Variants in PDE1A observed in about 807,000 individuals in gnomAD.
The protein encoded by PDE1A is phosphodiesterase 1A.
Under a neutral mutation model 61.7 loss-of-function variants are expected in PDE1A, and 35 were observed. The ratio of observed to expected loss-of-function variants is 0.57; its 90% CI spans 0.43 to 0.75. The LOEUF is 0.75. Among genes scored for constraint, PDE1A ranks in the 30% least tolerant of loss-of-function variants. The probability of loss-of-function intolerance (pLI) is 0.00; values close to 1 mark genes in which losing one functional copy is unlikely to be tolerated. For synonymous variants in PDE1A, 232 were observed against 213.2 expected, an observed-to-expected ratio of 1.09 and a Z score of -0.77; for missense variants, 597 against 630.6, an observed-to-expected ratio of 0.95 and a Z score of 0.57.
intron 4 of PDE1A, among the ~76,000 whole-genome samples, chr2:182,233,132 A>C (rs1192770636): frequency 2.0e-5 from 3 of 152,246 alleles, no homozygotes; most frequent in Non-Finnish European, 4.4e-5. Context: ...TCTTAAAATA[A>C]ATAAAATAAA....
At chr2:182,564,946 A>G in the PDE1A span, among the ~76,000 whole-genome samples, 1 of 151,740 alleles carries the variant, frequency 6.6e-6, no homozygotes, top group South Asian at 2.1e-4. Context: ...TTCTAGTTAT[A>G]CATTCGTCTA....
At chr2:182,605,612 T>C in the PDE1A span, among the ~76,000 whole-genome samples, 1 of 152,220 alleles carries the variant, frequency 6.6e-6, no homozygotes, top group African/African-American at 2.4e-5. Context: ...TTGTTTCCAC[T>C]ATCCTGATGG....
chr2:182,183,334 T>TA (rs1359820611), intron 13 of PDE1A, among the ~76,000 whole-genome samples: 1 of 152,172 alleles, frequency 6.6e-6, no homozygotes, highest in Non-Finnish European at 1.5e-5. Context: ...CATTTATTCT[T>TA]AAAAAATTGT....
the PDE1A span, among the ~76,000 whole-genome samples, chr2:182,656,601 A>G: frequency 2.0e-5 from 3 of 152,216 alleles, no homozygotes; most frequent in Non-Finnish European, 4.4e-5. Flanking sequence ...CGAATCTTTA[A>G]AATGTCCTTT....
chr2:182,422,928 T>C (rs2125590344), intron 1 of PDE1A, among the ~76,000 whole-genome samples: 1 of 152,330 alleles, frequency 6.6e-6, no homozygotes, highest in South Asian at 2.1e-4. Flanking sequence ...TTTGTGATTG[T>C]GTTTTCTTTC....
chr2:182,443,999 G>A (rs1219089275), intron 2 of PDE1A, among the ~76,000 whole-genome samples: 10 of 151,920 alleles, frequency 6.6e-5, no homozygotes, highest in Admixed American at 3.3e-4. Context: ...CACCGCGCCC[G>A]GCCAAACTTC....
the PDE1A span, among the ~76,000 whole-genome samples, chr2:182,641,028 A>AAAAAAAAAAAAAG: frequency 1.5e-4 from 23 of 149,728 alleles, no homozygotes; most frequent in African/African-American, 3.7e-4. Context: ...TCAAAAAAAA[A>AAAAAAAAAAAAAG]AAGAAGAAGA....
chr2:182,407,457 C>G (rs1222827158), intron 1 of PDE1A, among the ~76,000 whole-genome samples: 2 of 152,086 alleles, frequency 1.3e-5, no homozygotes, highest in African/African-American at 4.8e-5. Flanking sequence ...TCTCAGCTCA[C>G]TGCAACCTCT....
chr2:182,702,870 T>G, the PDE1A span, among the ~76,000 whole-genome samples: 1 of 152,212 alleles, frequency 6.6e-6, no homozygotes, highest in Non-Finnish European at 1.5e-5. Context: ...AATGAATAAA[T>G]AGGTGACAGT....
At chr2:182,329,336 CAT>C (rs1449096914) in intron 1 of PDE1A, among the ~76,000 whole-genome samples, 1 of 152,076 alleles carries the variant, frequency 6.6e-6, no homozygotes, top group Non-Finnish European at 1.5e-5. Context: ...TCCATATATT[CAT>C]AAAGTTGAAT....
intron 2 of PDE1A, among the ~76,000 whole-genome samples, chr2:182,513,005 C>A (rs1194720451): frequency 6.6e-6 from 1 of 152,042 alleles, no homozygotes. Context: ...GGAGAGAGAG[C>A]AAGCAACTTG....
intron 1 of PDE1A, among the ~76,000 whole-genome samples, chr2:182,273,121 T>A (rs1393092123): frequency 6.6e-6 from 1 of 152,108 alleles, no homozygotes; most frequent in Non-Finnish European, 1.5e-5. Context: ...AAGGAAGGAC[T>A]AAAAGAGCTA....
chr2:182,669,282 G>A, the PDE1A span, among the ~76,000 whole-genome samples: 5 of 152,120 alleles, frequency 3.3e-5, no homozygotes, highest in Non-Finnish European at 7.4e-5. Flanking sequence ...TGTTTGTTAG[G>A]TGTGACTTTT....
At chr2:182,395,262 T>A (rs186640964) in intron 1 of PDE1A, among the ~76,000 whole-genome samples, 2 of 152,294 alleles carry the variant, frequency 1.3e-5, no homozygotes, top group African/African-American at 2.4e-5. Context: ...CTCTCCGGCT[T>A]TGTGTCATAA....
At chr2:182,414,641 G>A (rs1273800856) in intron 1 of PDE1A, among the ~76,000 whole-genome samples, 5 of 152,188 alleles carry the variant, frequency 3.3e-5, no homozygotes, top group East Asian at 1.9e-4. Context: ...GTGGGAAGGG[G>A]CAGCATCAAA....
chr2:182,553,258 G>A, the PDE1A span, among the ~76,000 whole-genome samples: 2 of 152,218 alleles, frequency 1.3e-5, no homozygotes, highest in Non-Finnish European at 1.5e-5. Flanking sequence ...CATCTTGGAA[G>A]TGGCTCGCCA....
rs184409303 is a variant in PDE1A at position 182,152,800 on chromosome 2, G to A, written c.1517-5648C>T. On this transcript the variant is annotated intron_variant, in intron 13 of 13. Coordinates refer to the PDE1A transcript ENST00000409365. ...CGTTTACTTTGCAGTATGCGTGAAGGCAACAGTAAGAGAAGACAGGACTGC... is the reference window on the plus strand; with the variant it reads ...CGTTTACTTTGCAGTATGCGTGAAGACAACAGTAAGAGAAGACAGGACTGC... Among the ~76,000 whole-genome samples, 39 of 152,202 alleles carry A rather than the reference G, an allele frequency of 2.6e-4. No individual in the cohort carries two copies. The East Asian group carries it at 6.4e-3, about 25-fold the overall frequency.
At chr2:182,517,427 G>T (rs1420599896) in intron 2 of PDE1A, among the ~76,000 whole-genome samples, 1 of 152,092 alleles carries the variant, frequency 6.6e-6, no homozygotes, top group African/African-American at 2.4e-5. Context: ...TAATTTTCTA[G>T]TTACAGCCAG....
chr2:182,233,775 C>CCACACACA (rs4018725), intron 4 of PDE1A, among the ~76,000 whole-genome samples: 2 of 147,188 alleles, frequency 1.4e-5, no homozygotes, highest in Non-Finnish European at 3.0e-5. Context: ...CACATGAACA[C>CCACACACA]CACACACACA....
Sources: gnomAD v4.1 joint callset for allele counts (sites outside exome capture counted in the v4.1 genomes callset) on GRCh38, gnomAD v4.1.1 for gene constraint, MANE v1.5 for transcripts, NCBI Gene and HGNC (gene_info 2026-07-23, HGNC 2026-07-21) for gene names.